The following HDAC9 variants were observed in gnomAD, a reference collection of about 807,000 sequenced individuals.
HDAC9 encodes the protein histone deacetylase 9, also known as MEF-2 interacting transcription repressor (MITR) protein.
A neutral mutation model predicts 139.4 loss-of-function variants in HDAC9; 41 were observed. The ratio of observed to expected loss-of-function variants is 0.29; its 90% CI spans 0.23 to 0.38. The LOEUF is 0.38. HDAC9 is among the 10% of genes least tolerant of loss of function. The pLI, the probability that HDAC9 is intolerant of heterozygous loss-of-function variation, is 1.00. For missense variants in HDAC9, 1,147 were observed against 1,297.0 expected (o/e 0.88, Z 1.78); for synonymous variants, 517 against 476.2 (o/e 1.09, Z -1.12).
chr7:18,933,370 A>T (rs1804953099), intron 22 of HDAC9, among the ~76,000 whole-genome samples: 1 of 151,918 alleles, frequency 6.6e-6, no homozygotes, highest in Non-Finnish European at 1.5e-5. Flanking sequence ...AAGAGTGCCA[A>T]CTTCTCCTTG....
At chr7:18,513,729 A>G (rs544297898) in intron 2 of HDAC9, among the ~76,000 whole-genome samples, 1 of 152,342 alleles carries the variant, frequency 6.6e-6, no homozygotes, top group South Asian at 2.1e-4. Context: ...TCTGTAAGCT[A>G]GGATGGGTTG....
intron 1 of HDAC9, among the ~76,000 whole-genome samples, chr7:18,125,179 A>AC (rs34915008): frequency 2.0e-5 from 3 of 151,100 alleles, no homozygotes; most frequent in Middle Eastern, 3.2e-3. Flanking sequence ...GAATGAGGGT[A>AC]CCCCCCCATC....
chr7:18,381,996 A>G (rs1049010078), intron 1 of HDAC9, among the ~76,000 whole-genome samples: 14 of 152,250 alleles, frequency 9.2e-5, no homozygotes, highest in African/African-American at 1.7e-4. Flanking sequence ...CGTAGTAATA[A>G]TGTTTTTCTA....
intron 25 of HDAC9, among the ~76,000 whole-genome samples, chr7:18,981,444 T>C (rs1784944622): frequency 6.6e-6 from 1 of 152,116 alleles, no homozygotes. Flanking sequence ...ACACACAAAG[T>C]TTGTCAGTCA....
chr7:18,856,306 T>C (rs571779915), intron 21 of HDAC9, among the ~76,000 whole-genome samples: 3 of 152,218 alleles, frequency 2.0e-5, no homozygotes, highest in Admixed American at 1.3e-4. Flanking sequence ...TTAGAAACCA[T>C]GAGTAACTGA....
At chr7:18,618,372 G>A (rs1839252533) in intron 6 of HDAC9, among the ~76,000 whole-genome samples, 1 of 152,016 alleles carries the variant, frequency 6.6e-6, no homozygotes, top group South Asian at 2.1e-4. Context: ...AACAAGATGA[G>A]GTTCATGCTG....
At chr7:18,714,853 C>A (rs1784589381) in intron 12 of HDAC9, among the ~76,000 whole-genome samples, 1 of 152,106 alleles carries the variant, frequency 6.6e-6, no homozygotes, top group Admixed American at 6.5e-5. Context: ...ACCATTGTAT[C>A]TTCTAATTTC....
chr7:18,827,022 G>T (rs1795498652), intron 17 of HDAC9, among the ~76,000 whole-genome samples: 1 of 151,798 alleles, frequency 6.6e-6, no homozygotes, highest in African/African-American at 2.4e-5. Context: ...GGACTCCAAG[G>T]TGGGTTGAAT....
chr7:18,419,631 G>C (rs1181073884), intron 1 of HDAC9, among the ~76,000 whole-genome samples: 1 of 152,122 alleles, frequency 6.6e-6, no homozygotes, highest in African/African-American at 2.4e-5. Context: ...TATTTAAAGG[G>C]GAGAATGATA....
intron 17 of HDAC9, among the ~76,000 whole-genome samples, chr7:18,811,624 T>C (rs930066130): frequency 6.6e-6 from 1 of 151,892 alleles, no homozygotes; most frequent in Non-Finnish European, 1.5e-5. Flanking sequence ...TTTACATTTA[T>C]TGATATTTAT....
chr7:18,615,702 C>T (rs1209102928), intron 6 of HDAC9, among the ~76,000 whole-genome samples: 1 of 152,046 alleles, frequency 6.6e-6, no homozygotes, highest in South Asian at 2.1e-4. Flanking sequence ...ACTACATTAC[C>T]TAAAAATAAT....
chr7:18,910,157 G>A (rs187053978), intron 22 of HDAC9, among the ~76,000 whole-genome samples: 1 of 151,826 alleles, frequency 6.6e-6, no homozygotes, highest in Non-Finnish European at 1.5e-5. Context: ...GGGTAACAAG[G>A]CTATTTTAAC....
At chr7:18,243,443 C>T (rs1794320281) in intron 2 of HDAC9, among the ~76,000 whole-genome samples, 1 of 152,194 alleles carries the variant, frequency 6.6e-6, no homozygotes, top group South Asian at 2.1e-4. Flanking sequence ...TACAGCTTTA[C>T]CTGGGCATGG....
intron 1 of HDAC9, among the ~76,000 whole-genome samples, chr7:18,319,044 T>C (rs1047950309): frequency 1.3e-5 from 2 of 152,226 alleles, no homozygotes; most frequent in African/African-American, 4.8e-5. Context: ...TGACAAGCAC[T>C]GATACAAACA....
At chr7:18,878,439 T>G (rs1312199945) in intron 22 of HDAC9, among the ~76,000 whole-genome samples, 1 of 152,188 alleles carries the variant, frequency 6.6e-6, no homozygotes, top group Non-Finnish European at 1.5e-5. Context: ...TACATTCCTT[T>G]AATAAACATT....
intron 2 of HDAC9, among the ~76,000 whole-genome samples, chr7:18,550,283 C>T (rs1275578055): frequency 6.6e-6 from 1 of 152,240 alleles, no homozygotes; most frequent in Admixed American, 6.5e-5. Flanking sequence ...TTTTACTGTA[C>T]TATATTCGAT....
Position 18,762,106 on chromosome 7 carries a change from C to G in HDAC9, c.2044-51C>G, listed in dbSNP as rs140167084. The G allele has an allele frequency of 6.8e-4, 1,090 of 1,608,066 alleles. 7 individuals carry two copies. The African/African-American group carries it at 0.013, about 19-fold the overall frequency. ...TAAATGTGACTTGGGGTCTCATTTT[C>G]TTCTAAATGTTGTCAGTGGTGTACT... On this transcript the variant is annotated intron_variant, in intron 14 of 25. Transcript: ENST00000686413.
chr7:18,882,679 A>T (rs1395795882), intron 22 of HDAC9, among the ~76,000 whole-genome samples: 2 of 151,938 alleles, frequency 1.3e-5, no homozygotes, highest in Non-Finnish European at 2.9e-5. Context: ...AAGGGAGATA[A>T]TAATTTTACC....
At chr7:18,322,736 C>T (rs373178933) in intron 1 of HDAC9, among the ~76,000 whole-genome samples, 1 of 151,982 alleles carries the variant, frequency 6.6e-6, no homozygotes, top group African/African-American at 2.4e-5. Context: ...AGCCGACATT[C>T]GAGAACAGGA....
Sources: allele counts gnomAD v4.1 joint callset (sites outside exome capture counted in the v4.1 genomes callset), GRCh38; gene constraint gnomAD v4.1.1; transcripts MANE v1.5; gene names NCBI Gene and HGNC (gene_info 2026-07-23, HGNC 2026-07-21).